The following CAPS2 variants were observed in gnomAD, a reference collection of about 807,000 sequenced individuals.
The protein encoded by CAPS2 is calcyphosine 2.
A neutral mutation model predicts 86.5 loss-of-function variants in CAPS2; 98 were observed. That is an observed-to-expected ratio of 1.13 (90% CI 0.96 to 1.34). The LOEUF (loss-of-function observed/expected upper bound fraction) is 1.34. Ranked by LOEUF, CAPS2 falls within the 40% of genes most tolerant of loss-of-function variation. The probability of loss-of-function intolerance (pLI) is 0.00; values close to 1 mark genes in which losing one functional copy is unlikely to be tolerated. For synonymous variants in CAPS2, 210 were observed against 225.1 expected (o/e 0.93, Z 0.60); for missense variants, 729 against 686.8 (o/e 1.06, Z -0.69).
At chr12:75,330,312 C>T (rs145711159), upstream of CAPS2, among the ~76,000 whole-genome samples, 267 of 152,340 alleles carry the variant, frequency 1.8e-3, 1 homozygote, top group African/African-American at 6.0e-3. Flanking sequence ...CCGCAGCCTC[C>T]CAGGGAACCG....
Position 75,387,546 on chromosome 12 carries a change from TGTTGCTCATAA to T in CAPS2, c.-395+3281_-395+3291del, listed in dbSNP as rs539481761. ...ATGCTTACTGCCATAGTCTGTTTAA[TGTTGCTCATAA>T]GAAAATACCTGAAACTGAGTAAGTT... On this transcript the variant is annotated intron_variant, in intron 1 of 5. Transcript: ENST00000551829. Among the ~76,000 whole-genome samples the T allele has an allele frequency of 3.6e-4, 55 of 152,312 alleles. 1 individual carries two copies. The South Asian group carries it at 0.011, about 30-fold the overall frequency.
chr12:75,329,692 C>CT, upstream of CAPS2: 2 of 537,844 alleles, frequency 3.7e-6, no homozygotes, highest in Non-Finnish European at 6.3e-6. Context: ...GGGACCAAGT[C>CT]TATGTTGATC....
chr12:75,278,867 G>A (rs376036512), exon 17 of CAPS2: 14 of 1,482,392 alleles, frequency 9.4e-6, no homozygotes, highest in Middle Eastern at 1.9e-4. Flanking sequence ...GCTTAGTGTT[G>A]ATGACATATG....
intron 1 of CAPS2, among the ~76,000 whole-genome samples, chr12:75,367,719 TATG>T (rs140350107): frequency 4.9e-4 from 75 of 152,306 alleles, no homozygotes; most frequent in African/African-American, 1.7e-3. Flanking sequence ...TTGGATTTTA[TATG>T]ATGACAAATC....
intron 6 of CAPS2, among the ~76,000 whole-genome samples, chr12:75,313,599 A>C (rs1414739542): frequency 6.6e-6 from 1 of 152,158 alleles, no homozygotes; most frequent in Non-Finnish European, 1.5e-5. Flanking sequence ...ATTTAATTCA[A>C]ATTATATTAT....
chr12:75,322,860 C>T (rs2040429431), intron 4 of CAPS2: 1 of 605,104 alleles, frequency 1.7e-6, no homozygotes, highest in Non-Finnish European at 2.9e-6. Context: ...TTTCACCAAC[C>T]TTATGGTTTG....
intron 11 of CAPS2, among the ~76,000 whole-genome samples, chr12:75,297,150 A>G (rs2037047082): frequency 6.6e-6 from 1 of 151,766 alleles, no homozygotes; most frequent in African/African-American, 2.4e-5. Context: ...TTCCACATCC[A>G]CTTCAAAGAA....
exon 17 of CAPS2, chr12:75,277,968 A>G: frequency 2.3e-6 from 2 of 873,550 alleles, no homozygotes; most frequent in African/African-American, 3.6e-5. Flanking sequence ...AGATGTTTAG[A>G]ATATCATACA....
At chr12:75,387,712 T>C (rs1400921253) in intron 1 of CAPS2, among the ~76,000 whole-genome samples, 2 of 152,164 alleles carry the variant, frequency 1.3e-5, no homozygotes, top group Non-Finnish European at 2.9e-5. Flanking sequence ...GAGTATCACA[T>C]GGTAAAGGGG....
At chr12:75,294,027 G>C (rs2036465451) in intron 11 of CAPS2, among the ~76,000 whole-genome samples, 2 of 152,090 alleles carry the variant, frequency 1.3e-5, no homozygotes, top group African/African-American at 4.8e-5. Flanking sequence ...CTGACTCAGG[G>C]GTCCCAGAAA....
At chr12:75,327,268 G>A (rs1296170139), upstream of CAPS2, among the ~76,000 whole-genome samples, 17 of 151,922 alleles carry the variant, frequency 1.1e-4, no homozygotes, top group Admixed American at 1.1e-3. Context: ...TTTTGGTTTT[G>A]CCAGAGTAGG....
intron 1 of CAPS2, among the ~76,000 whole-genome samples, chr12:75,350,811 T>G (rs1381915338): frequency 1.3e-5 from 2 of 151,986 alleles, no homozygotes; most frequent in Non-Finnish European, 2.9e-5. Flanking sequence ...TCACAACACA[T>G]CTCCAGCAAG....
intron 8 of CAPS2, among the ~76,000 whole-genome samples, chr12:75,302,360 T>C (rs1438510508): frequency 6.6e-6 from 1 of 152,210 alleles, no homozygotes; most frequent in Non-Finnish European, 1.5e-5. Context: ...AGAAAAAGCC[T>C]AGAAACCAAC....
At chr12:75,369,813 G>A (rs2044239745) in intron 1 of CAPS2, 2 of 1,295,560 alleles carry the variant, frequency 1.5e-6, no homozygotes, top group African/African-American at 1.5e-5. Context: ...AGTACTGTAG[G>A]ATTGAGTAGG....
At chr12:75,281,966 A>G (rs1344410372) in intron 16 of CAPS2, among the ~76,000 whole-genome samples, 1 of 152,058 alleles carries the variant, frequency 6.6e-6, no homozygotes, top group Non-Finnish European at 1.5e-5. Flanking sequence ...GTATTTATCT[A>G]TTTTCTAAAC....
intron 11 of CAPS2, among the ~76,000 whole-genome samples, chr12:75,293,994 ACGATCT>A (rs1367969772): frequency 4.6e-5 from 7 of 152,100 alleles, no homozygotes; most frequent in South Asian, 2.1e-4. Flanking sequence ...GTGCAGTGTC[ACGATCT>A]CTGCTCACTG....
chr12:75,351,338 C>T (rs2042795251), intron 1 of CAPS2, among the ~76,000 whole-genome samples: 1 of 152,010 alleles, frequency 6.6e-6, no homozygotes, highest in Admixed American at 6.6e-5. Context: ...CCAGAGAACC[C>T]CCGTAAGATA....
chr12:75,312,517 A>T (rs1051993568), intron 7 of CAPS2, among the ~76,000 whole-genome samples: 1 of 152,240 alleles, frequency 6.6e-6, no homozygotes, highest in Non-Finnish European at 1.5e-5. Context: ...CATAAGATGC[A>T]TACAGATCCT....
intron 2 of CAPS2, 57 bp downstream of exon 3, chr12:75,325,182 A>G: frequency 6.9e-7 from 1 of 1,456,222 alleles, no homozygotes; most frequent in Non-Finnish European, 9.2e-7. Context: ...TTAACTAGTC[A>G]ATGTATGTTA....
Sources: gnomAD v4.1 joint callset for allele counts (sites outside exome capture counted in the v4.1 genomes callset) on GRCh38, gnomAD v4.1.1 for gene constraint, MANE v1.5 for transcripts, NCBI Gene and HGNC (gene_info 2026-07-23, HGNC 2026-07-21) for gene names.